Variants in CYP7B1 observed in about 807,000 individuals in gnomAD.
The protein encoded by CYP7B1 is cytochrome P450 family 7 subfamily B member 1.
In CYP7B1, 29 loss-of-function variants were observed where a neutral mutation model predicts 42.7. The observed-to-expected ratio is 0.68, with a 90% confidence interval of 0.51 to 0.93. The LOEUF (loss-of-function observed/expected upper bound fraction) is 0.93. Ranked by LOEUF, CYP7B1 falls within the 40% of genes least tolerant of loss-of-function variation. CYP7B1 has a pLI of 0.00. For synonymous variants in CYP7B1, 235 were observed against 218.2 expected, an observed-to-expected ratio of 1.08 and a Z score of -0.68; for missense variants, 655 against 600.5, an observed-to-expected ratio of 1.09 and a Z score of -0.95.
At chr8:64,756,621 T>A (rs566038068) in intron 1 of CYP7B1, among the ~76,000 whole-genome samples, 1 of 152,164 alleles carries the variant, frequency 6.6e-6, no homozygotes, top group Non-Finnish European at 1.5e-5. Context: ...AAAACAGAAA[T>A]GTTGAAACCA....
chr8:64,722,324 C>G (rs1807248093), intron 1 of CYP7B1, among the ~76,000 whole-genome samples: 2 of 152,058 alleles, frequency 1.3e-5, no homozygotes, highest in Non-Finnish European at 2.9e-5. Context: ...AGAGAAGTTC[C>G]CCAAGACAAA....
rs145691323 is a variant in CYP7B1, at chr8:64,721,713, T to C, written c.122+76753A>G. 7.7e-3 allele frequency among the ~76,000 whole-genome samples: 1,178 copies of C among 152,272 alleles called. 16 individuals are homozygous for C. The highest frequency in any genetic ancestry group is 0.027 in the African/African-American group (1,126 of 41,564). On this transcript the variant is annotated intron_variant, in intron 1 of 5. Coordinates refer to ENST00000310193, the MANE Select transcript of CYP7B1 (RefSeq NM_004820.5). ...TATACAAAATAATACTTTGTATAGA[T>C]GAAAATATTTACAGATATATATTTC...
chr8:64,754,544 G>T (rs1418778498), intron 1 of CYP7B1, among the ~76,000 whole-genome samples: 1 of 152,122 alleles, frequency 6.6e-6, no homozygotes, highest in Non-Finnish European at 1.5e-5. Flanking sequence ...ACTAGAGGAA[G>T]TAAGTCCAAC....
At chr8:64,721,844 A>G (rs574149921) in intron 1 of CYP7B1, among the ~76,000 whole-genome samples, 1 of 152,304 alleles carries the variant, frequency 6.6e-6, no homozygotes, top group South Asian at 2.1e-4. Flanking sequence ...AACATTATCT[A>G]CTGTAAATGT....
At chr8:64,761,510 A>G (rs1233120041) in intron 1 of CYP7B1, among the ~76,000 whole-genome samples, 1 of 152,136 alleles carries the variant, frequency 6.6e-6, no homozygotes, top group African/African-American at 2.4e-5. Flanking sequence ...GGAATGTCTT[A>G]AAATGAACAC....
chr8:64,648,286 C>T (rs753254760), intron 1 of CYP7B1, among the ~76,000 whole-genome samples: 3 of 152,172 alleles, frequency 2.0e-5, no homozygotes, highest in Non-Finnish European at 4.4e-5. Context: ...TGTCATAATT[C>T]GCCATTGAAT....
chr8:64,619,717 C>A (rs1358067657), intron 2 of CYP7B1, among the ~76,000 whole-genome samples: 1 of 152,030 alleles, frequency 6.6e-6, no homozygotes, highest in Non-Finnish European at 1.5e-5. Context: ...AAAATTAATT[C>A]TTTAGGAAGG....
chr8:64,594,218 T>C lies in CYP7B1; in HGVS notation c.*2424A>G, dbSNP rs968183863. On this transcript the variant is annotated 3_prime_UTR_variant, in exon 6 of 6. Transcript: ENST00000310193. The stretch of plus-strand genomic sequence containing the variant: ...TGATGGAAAAGCTTTTAAGTTCTGC[T>C]TTGGCCTCTGTCCCACAATAACTGT... Among the ~76,000 whole-genome samples the C allele has an allele frequency of 5.9e-5, 9 of 152,166 alleles. No individual in the cohort carries two copies. Among genetic ancestry groups the C allele is most frequent in the African/African-American group, 1.7e-4 (7 of 41,436 alleles).
At chr8:64,646,369 C>A (rs1304943814) in intron 1 of CYP7B1, among the ~76,000 whole-genome samples, 2 of 151,994 alleles carry the variant, frequency 1.3e-5, no homozygotes, top group Non-Finnish European at 2.9e-5. Flanking sequence ...AACAAACAAC[C>A]CCATCAAAAA....
At position 64,683,378 on chromosome 8, in the gene CYP7B1, G is replaced by A. The variant is rs537656152; in HGVS notation, c.123-58839C>T. 2.0e-5 allele frequency among the ~76,000 whole-genome samples: 3 copies of A among 152,284 alleles called. No individual in the cohort carries two copies. The East Asian group carries it at 5.8e-4, about 29-fold the overall frequency. On this transcript the variant is annotated intron_variant, in intron 1 of 5. Transcript: ENST00000310193. The stretch of plus-strand genomic sequence containing the variant: ...TTCACATATTCTTACTTATTTGTGG[G>A]ATCTAAAAATCAGAATAATTGAACT...
chr8:64,727,701 A>G (rs1174886746), intron 1 of CYP7B1, among the ~76,000 whole-genome samples: 4 of 152,180 alleles, frequency 2.6e-5, no homozygotes, highest in East Asian at 1.9e-4. Flanking sequence ...AGAAAGCCCA[A>G]CGAGAACAAT....
At chr8:64,686,196 T>C (rs1253520362) in intron 1 of CYP7B1, among the ~76,000 whole-genome samples, 2 of 44,358 alleles carry the variant, frequency 4.5e-5, no homozygotes, top group East Asian at 6.3e-4. Context: ...GGAGCCCCTC[T>C]GCCCGGCCAG....
rs762398434 is a variant in CYP7B1 at position 64,604,631 on chromosome 8, T to C, written c.1233+51A>G. 2.5e-6 allele frequency: 4 copies of C among 1,606,310 alleles called. No individual in the cohort carries two copies. In the Admixed American group the frequency reaches 5.0e-5, roughly 20 times the overall value. ...GGAAGAGATAGGGATGGAAGAGGAA[T>C]GTGCCCACAGGATCTAAGAAGTAGC... On this transcript the variant is annotated intron_variant, in intron 5 of 5. Transcript: ENST00000310193.
chr8:64,613,962 T>G (rs1231113785), intron 4 of CYP7B1, among the ~76,000 whole-genome samples: 1 of 152,102 alleles, frequency 6.6e-6, no homozygotes, highest in Non-Finnish European at 1.5e-5. Context: ...GATAAAAAAT[T>G]GAGACCAACA....
intron 1 of CYP7B1, among the ~76,000 whole-genome samples, chr8:64,675,296 C>G (rs1293891863): frequency 6.6e-6 from 1 of 151,938 alleles, no homozygotes; most frequent in Non-Finnish European, 1.5e-5. Flanking sequence ...GTGATTGTAA[C>G]AGTAAAGAAA....
chr8:64,773,868 A>G (rs1477555400), intron 1 of CYP7B1, among the ~76,000 whole-genome samples: 1 of 151,740 alleles, frequency 6.6e-6, no homozygotes, highest in East Asian at 1.9e-4. Flanking sequence ...TAAATAACCC[A>G]CTCCCATGGC....
intron 1 of CYP7B1, among the ~76,000 whole-genome samples, chr8:64,768,940 C>A (rs964876897): frequency 9.2e-5 from 14 of 152,108 alleles, no homozygotes; most frequent in South Asian, 2.1e-4. Flanking sequence ...GTTTGTTGCA[C>A]AGGATTCTTA....
intron 1 of CYP7B1, among the ~76,000 whole-genome samples, chr8:64,739,554 A>T (rs1335138938): frequency 2.0e-5 from 3 of 152,246 alleles, no homozygotes; most frequent in Non-Finnish European, 4.4e-5. Context: ...AAAACAGAAT[A>T]GGCCATGAAA....
At chr8:64,629,020 G>A (rs1805649088) in intron 1 of CYP7B1, among the ~76,000 whole-genome samples, 3 of 152,100 alleles carry the variant, frequency 2.0e-5, no homozygotes, top group South Asian at 2.1e-4. Flanking sequence ...GACGTCAAGA[G>A]TTCGAGACCA....
Sources: allele counts gnomAD v4.1 joint callset (sites outside exome capture counted in the v4.1 genomes callset), GRCh38; gene constraint gnomAD v4.1.1; transcripts MANE v1.5; gene names NCBI Gene and HGNC (gene_info 2026-07-23, HGNC 2026-07-21).